Variants in RPTOR observed in about 807,000 individuals in gnomAD.
RPTOR encodes regulatory associated protein of MTOR complex 1, also known as regulatory-associated protein of mTOR.
Under a neutral mutation model 169.9 loss-of-function variants are expected in RPTOR, and 21 were observed. The observed-to-expected ratio is 0.12, with a 90% CI of 0.09 to 0.18. The LOEUF (loss-of-function observed/expected upper bound fraction) is 0.18. Ranked by LOEUF, RPTOR falls within the 10% of genes least tolerant of loss-of-function variation. RPTOR has a pLI of 1.00. For synonymous variants in RPTOR, 732 were observed against 753.2 expected (o/e 0.97, Z 0.46); for missense variants, 1,133 against 1,855.9 (o/e 0.61, Z 7.16).
At chr17:80,879,452 G>A (rs895416165) in intron 13 of RPTOR, among the ~76,000 whole-genome samples, 12 of 84,750 alleles carry the variant, frequency 1.4e-4, no homozygotes, top group African/African-American at 2.3e-4. Context: ...CCCACATCCC[G>A]GGCCTGGACC....
chr17:80,841,216 G>A (rs1480866186), intron 10 of RPTOR, among the ~76,000 whole-genome samples: 17 of 53,222 alleles, frequency 3.2e-4, no homozygotes, highest in Admixed American at 7.2e-4. Flanking sequence ...CACTCTCACC[G>A]CACGGCAGCT....
At chr17:80,700,630 G>GGTGGTGGTGATGGTA (rs1567864479) in intron 3 of RPTOR, among the ~76,000 whole-genome samples, 1 of 14,564 alleles carries the variant, frequency 6.9e-5, no homozygotes, top group Admixed American at 1.1e-3. Context: ...TGGTGGTGGC[G>GGTGGTGGTGATGGTA]GCGATGATGG....
intron 10 of RPTOR, among the ~76,000 whole-genome samples, chr17:80,843,852 A>G (rs1313265452): frequency 1.3e-5 from 2 of 152,042 alleles, no homozygotes. Context: ...CGGCCTTCCC[A>G]TTTTCAGTCT....
chr17:80,892,993 C>T, intron 19 of RPTOR, 124 bp downstream of exon 19: 1 of 1,154,428 alleles, frequency 8.7e-7, no homozygotes, highest in Non-Finnish European at 1.2e-6. Context: ...CCTGAAGTCC[C>T]ATCTGCCAAC....
intron 3 of RPTOR, among the ~76,000 whole-genome samples, chr17:80,652,418 G>GTCT (rs1257203230): frequency 6.6e-6 from 1 of 152,146 alleles, no homozygotes; most frequent in East Asian, 1.9e-4. Flanking sequence ...GGCCTTTTGC[G>GTCT]TCTGGGCTCT....
chr17:80,729,023 C>T (rs1416992871), intron 4 of RPTOR, among the ~76,000 whole-genome samples: 2 of 152,180 alleles, frequency 1.3e-5, no homozygotes, highest in South Asian at 2.1e-4. Flanking sequence ...TCTCCACACA[C>T]CCCCCACACA....
At chr17:80,892,678 T>C in intron 18 of RPTOR, 51 bp from the exon 19 acceptor site, 1 of 1,592,006 alleles carries the variant, frequency 6.3e-7, no homozygotes, top group Non-Finnish European at 8.6e-7. Context: ...GAAGACACGC[T>C]GGCCTCCACC....
At chr17:80,792,204 T>C (rs905760790) in intron 7 of RPTOR, among the ~76,000 whole-genome samples, 3 of 152,220 alleles carry the variant, frequency 2.0e-5, no homozygotes, top group African/African-American at 7.2e-5. Flanking sequence ...ACTTTGGAGT[T>C]ATTTTAAACC....
chr17:80,707,778 G>A lies in RPTOR; in HGVS notation c.349-63G>A. 1 of 1,510,410 alleles carries A rather than the reference G, an allele frequency of 6.6e-7. No individual in the cohort carries two copies. Among genetic ancestry groups the A allele is most frequent in the Non-Finnish European group, 9.1e-7 (1 of 1,101,970 alleles). 93.6% of individuals were successfully genotyped at this position (1,510,410 alleles called of 1,614,324 possible). On this transcript the variant is annotated intron_variant, in intron 3 of 33. Transcript: ENST00000306801. The surrounding 1 kb of genome is among the most constrained non-coding windows in gnomAD (Gnocchi z 5.0). ...CTGCAAACCCAGAGGAAAGGGTAGG[G>A]GATGAGTTCCAAGCATTCCCTGGAG...
intron 1 of RPTOR, among the ~76,000 whole-genome samples, chr17:80,623,724 C>T (rs9905747): frequency 0.34 from 52,198 of 151,504 alleles, 9,137 homozygotes; most frequent in African/African-American, 0.39. Flanking sequence ...TTAGTAGAGA[C>T]GAGGTTTCAC....
intron 6 of RPTOR, among the ~76,000 whole-genome samples, chr17:80,756,431 G>A (rs1045709861): frequency 6.6e-6 from 1 of 152,218 alleles, no homozygotes; most frequent in South Asian, 2.1e-4. Flanking sequence ...TAGTAGAGTA[G>A]GGAGATTACG....
chr17:80,787,102 G>A (rs4969425), intron 6 of RPTOR, among the ~76,000 whole-genome samples: 49,573 of 152,072 alleles, frequency 0.33, 8,479 homozygotes, highest in East Asian at 0.46. Flanking sequence ...CCTGAGTGCC[G>A]GGCTCATCAT....
chr17:80,792,680 A>C (rs1397388403), intron 7 of RPTOR, among the ~76,000 whole-genome samples: 4 of 152,076 alleles, frequency 2.6e-5, no homozygotes, highest in Non-Finnish European at 5.9e-5. Context: ...CGTGGAAAAT[A>C]ACTTTAAAAA....
Position 80,906,957 on chromosome 17 carries a change from T to G in RPTOR, c.2402-1854T>G, listed in dbSNP as rs576622349. On this transcript the variant is annotated intron_variant, in intron 20 of 33. Transcript: ENST00000306801. ...GGGGTAGACACTGGCCCGCCATATC[T>G]GGAGCTGAAGTAGAGCCCGTCTTGG... Among the ~76,000 whole-genome samples the G allele has an allele frequency of 4.6e-5, 7 of 152,294 alleles. No homozygotes were observed. In the South Asian group the frequency reaches 1.4e-3, roughly 32 times the overall value.
intron 20 of RPTOR, among the ~76,000 whole-genome samples, chr17:80,903,412 T>G (rs181757108): frequency 1.4e-3 from 219 of 152,300 alleles, no homozygotes; most frequent in South Asian, 3.3e-3. Context: ...GCCCGGCTCC[T>G]GGGAGGCCAC....
intron 25 of RPTOR, among the ~76,000 whole-genome samples, chr17:80,943,505 A>T (rs1021543377): frequency 3.9e-5 from 6 of 152,226 alleles, no homozygotes; most frequent in African/African-American, 1.4e-4. Context: ...ATTGGATCCC[A>T]GGTTCTACCC....
chr17:80,712,420 G>C (rs1365103816), intron 4 of RPTOR, among the ~76,000 whole-genome samples: 4 of 152,124 alleles, frequency 2.6e-5, no homozygotes, highest in Admixed American at 2.6e-4. Flanking sequence ...GACTCATATA[G>C]TATGTAGCCT....
intron 24 of RPTOR, among the ~76,000 whole-genome samples, chr17:80,933,633 A>G (rs1328672603): frequency 1.3e-5 from 2 of 152,232 alleles, no homozygotes. Flanking sequence ...ATGGCAATAT[A>G]AGGGACCCAG....
intron 6 of RPTOR, among the ~76,000 whole-genome samples, chr17:80,760,300 C>CTTTTTTTTTTTTTT (rs1479994551): frequency 9.3e-5 from 9 of 96,500 alleles, no homozygotes; most frequent in African/African-American, 1.2e-4. Flanking sequence ...TTTCTTTTTT[C>CTTTTTTTTTTTTTT]TTTTTTCTTT....
Sources: allele counts gnomAD v4.1 joint callset (sites outside exome capture counted in the v4.1 genomes callset), GRCh38; gene constraint gnomAD v4.1.1; non-coding constraint Gnocchi (gnomAD v3.1); transcripts MANE v1.5; gene names NCBI Gene and HGNC (gene_info 2026-07-23, HGNC 2026-07-21).